The following CLEC17A variants were observed in gnomAD, a reference collection of about 807,000 sequenced individuals.
CLEC17A encodes C-type lectin domain containing 17A.
In CLEC17A, 37 loss-of-function variants were observed where a neutral mutation model predicts 61.3. The observed-to-expected ratio is 0.60, with a 90% CI of 0.46 to 0.79. The LOEUF is 0.79. Ranked by LOEUF, CLEC17A falls within the 30% of genes least tolerant of loss-of-function variation. CLEC17A has a pLI of 0.00. For missense variants in CLEC17A, 418 were observed against 464.7 expected (o/e 0.90, Z 0.92); for synonymous variants, 168 against 164.9 (o/e 1.02, Z -0.14).
chr19:14,601,335 A>G (rs915619563), intron 12 of CLEC17A, among the ~76,000 whole-genome samples: 2 of 152,206 alleles, frequency 1.3e-5, no homozygotes, highest in Admixed American at 1.3e-4. Context: ...GTACACGCCT[A>G]TCTTTTAAGG....
intron 13 of CLEC17A, among the ~76,000 whole-genome samples, chr19:14,607,473 G>T (rs954940131): frequency 2.0e-5 from 3 of 151,808 alleles, no homozygotes; most frequent in Admixed American, 6.6e-5. Context: ...AAAGTGCTGG[G>T]ATTACAGGCG....
At chr19:14,582,332 C>T (rs542180389), upstream of CLEC17A, among the ~76,000 whole-genome samples, 2 of 151,952 alleles carry the variant, frequency 1.3e-5, no homozygotes, top group East Asian at 2.0e-4. Context: ...CCTCCCTCAG[C>T]CTCCCGAGTA....
At chr19:14,593,174 G>A (rs557075279) in intron 4 of CLEC17A, among the ~76,000 whole-genome samples, 67 of 152,036 alleles carry the variant, frequency 4.4e-4, no homozygotes, top group African/African-American at 1.4e-3. Flanking sequence ...TCTGATCAGA[G>A]GATATAAAAG....
At chr19:14,589,031 C>T (rs2146676766) in intron 3 of CLEC17A, among the ~76,000 whole-genome samples, 1 of 151,386 alleles carries the variant, frequency 6.6e-6, no homozygotes, top group East Asian at 1.9e-4. Flanking sequence ...GCCACGTCTG[C>T]TCCAAAAGCA....
chr19:14,592,801 A>G (rs2074453824), intron 4 of CLEC17A, among the ~76,000 whole-genome samples: 1 of 152,012 alleles, frequency 6.6e-6, no homozygotes. Context: ...ATTAGCTGGG[A>G]TTGCAGGCGC....
intron 4 of CLEC17A, among the ~76,000 whole-genome samples, chr19:14,593,402 T>G (rs1184201403): frequency 6.6e-6 from 1 of 151,006 alleles, no homozygotes; most frequent in African/African-American, 2.4e-5. Context: ...ATTCTAGCAC[T>G]TTGGGAAGCC....
chr19:14,597,230 C>T (rs1475483632), intron 10 of CLEC17A, 69 bp downstream of exon 10: 2 of 1,388,220 alleles, frequency 1.4e-6, no homozygotes, highest in Non-Finnish European at 2.0e-6. Context: ...GATCCAACTC[C>T]AAGATCCAAC....
At chr19:14,599,330 C>T (rs774604426) in intron 10 of CLEC17A, among the ~76,000 whole-genome samples, 10 of 151,988 alleles carry the variant, frequency 6.6e-5, no homozygotes, top group South Asian at 2.1e-4. Context: ...TCAGATGATC[C>T]GCCCACCTCG....
At chr19:14,605,388 G>A (rs570815420) in intron 12 of CLEC17A, among the ~76,000 whole-genome samples, 1 of 152,202 alleles carries the variant, frequency 6.6e-6, no homozygotes, top group Non-Finnish European at 1.5e-5. Flanking sequence ...GAGCCACCGC[G>A]CCCGGCCACC....
At chr19:14,582,797 T>C (rs1051165970), upstream of CLEC17A, among the ~76,000 whole-genome samples, 5 of 151,752 alleles carry the variant, frequency 3.3e-5, no homozygotes, top group East Asian at 5.8e-4. Context: ...TAGTAGAGAC[T>C]GGGTTTCACC....
intron 13 of CLEC17A, among the ~76,000 whole-genome samples, chr19:14,607,394 G>A (rs542609385): frequency 8.2e-4 from 124 of 151,524 alleles, no homozygotes; most frequent in African/African-American, 2.4e-3. Flanking sequence ...TAGTAGAGAC[G>A]GGGTTTCACC....
chr19:14,607,286 G>A (rs1244944831), intron 13 of CLEC17A, among the ~76,000 whole-genome samples, 184 bp downstream of exon 13: 2 of 149,766 alleles, frequency 1.3e-5, no homozygotes, highest in Non-Finnish European at 3.0e-5. Flanking sequence ...CTCACTGCAA[G>A]CTCCGCCTCC....
At chr19:14,607,412 C>T (rs544451444) in intron 13 of CLEC17A, among the ~76,000 whole-genome samples, 1 of 151,540 alleles carries the variant, frequency 6.6e-6, no homozygotes, top group Admixed American at 6.6e-5. Context: ...ACCGTGTTAG[C>T]CAGGATGGTC....
rs2074209935 is a variant in CLEC17A, at chr19:14,583,350, C to A, written c.44-7C>A. The stretch of plus-strand genomic sequence containing the variant: ...GGCTGGGCTCTGACTTGCCTTTCCC[C>A]TGGAAGGGACCATGGAGGAGGAGGA... On this transcript the variant is annotated splice_region_variant and splice_polypyrimidine_tract_variant and intron_variant, in intron 1 of 13. Transcript: ENST00000417570. 6.2e-7 allele frequency: 1 copy of A among 1,608,998 alleles called. No individual in the cohort carries two copies. Among genetic ancestry groups the A allele is most frequent in the South Asian group, 1.1e-5 (1 of 90,622 alleles).
chr19:14,600,827 G>A (rs1350015911), intron 12 of CLEC17A, among the ~76,000 whole-genome samples: 2 of 148,152 alleles, frequency 1.3e-5, no homozygotes, highest in Non-Finnish European at 3.0e-5. Flanking sequence ...CTGACCTCGT[G>A]ATCTGCCCGC....
At chr19:14,586,681 C>G (rs1219887943) in intron 2 of CLEC17A, among the ~76,000 whole-genome samples, 1 of 152,086 alleles carries the variant, frequency 6.6e-6, no homozygotes, top group Non-Finnish European at 1.5e-5. Flanking sequence ...CCTGCCTTGG[C>G]CTCCCAAAGT....
At chr19:14,600,277 A>G in intron 12 of CLEC17A, 95 bp downstream of exon 12, 1 of 1,442,630 alleles carries the variant, frequency 6.9e-7, no homozygotes, top group Non-Finnish European at 9.4e-7. Context: ...ATGGCAAGAA[A>G]TTAGAATTAC....
chr19:14,597,716 T>A (rs1458197495), intron 10 of CLEC17A, among the ~76,000 whole-genome samples: 1 of 152,198 alleles, frequency 6.6e-6, no homozygotes, highest in African/African-American at 2.4e-5. Context: ...TCCTCCTGCC[T>A]CAGCCTCTTG....
At chr19:14,604,130 C>G (rs138086474) in intron 12 of CLEC17A, among the ~76,000 whole-genome samples, 4 of 152,276 alleles carry the variant, frequency 2.6e-5, no homozygotes, top group African/African-American at 7.2e-5. Context: ...AAGCCTCCAT[C>G]TAGTCTGATG....
Sources: allele counts gnomAD v4.1 joint callset (sites outside exome capture counted in the v4.1 genomes callset), GRCh38; gene constraint gnomAD v4.1.1; transcripts MANE v1.5; gene names NCBI Gene and HGNC (gene_info 2026-07-23, HGNC 2026-07-21).